GALNT1: variants seen among roughly 807,000 people sequenced by gnomAD.
GALNT1 encodes polypeptide N-acetylgalactosaminyltransferase 1.
In GALNT1, 17 loss-of-function variants were observed where a neutral mutation model predicts 65.7. The observed-to-expected ratio is 0.26, with a 90% CI of 0.18 to 0.39. The LOEUF (loss-of-function observed/expected upper bound fraction) is 0.39. Among genes scored for constraint, GALNT1 ranks in the 10% least tolerant of loss-of-function variants. The pLI is 1.00. For missense variants in GALNT1, 460 were observed against 672.8 expected (o/e 0.68, Z 3.50); for synonymous variants, 210 against 219.7 (o/e 0.96, Z 0.39).
At chr18:35,671,269 T>G (rs2047631005) in intron 3 of GALNT1, among the ~76,000 whole-genome samples, 1 of 152,090 alleles carries the variant, frequency 6.6e-6, no homozygotes. Context: ...CAGACTGGAG[T>G]GCAGTGGCAC....
intron 1 of GALNT1, among the ~76,000 whole-genome samples, chr18:35,646,725 A>G (rs2047236125): frequency 6.6e-6 from 1 of 152,170 alleles, no homozygotes; most frequent in African/African-American, 2.4e-5. Flanking sequence ...AATGATACAA[A>G]AAGTATTTTG....
At chr18:35,631,088 G>A (rs2047001063) in intron 1 of GALNT1, among the ~76,000 whole-genome samples, 1 of 152,126 alleles carries the variant, frequency 6.6e-6, no homozygotes. Context: ...AAAAAGTCCA[G>A]AACCGGCAGA....
At chr18:35,609,234 A>G (rs2046687427) in intron 1 of GALNT1, among the ~76,000 whole-genome samples, 1 of 152,098 alleles carries the variant, frequency 6.6e-6, no homozygotes, top group African/African-American at 2.4e-5. Context: ...TCTTTGATTG[A>G]TATTAGTGGT....
chr18:35,645,711 T>TC (rs987482838), intron 1 of GALNT1, among the ~76,000 whole-genome samples: 1 of 152,208 alleles, frequency 6.6e-6, no homozygotes, highest in African/African-American at 2.4e-5. Context: ...TTTGTTTTTT[T>TC]CCCCCTAATC....
At chr18:35,693,793 G>A (rs2144677162) in intron 9 of GALNT1, among the ~76,000 whole-genome samples, 1 of 152,276 alleles carries the variant, frequency 6.6e-6, no homozygotes, top group African/African-American at 2.4e-5. Flanking sequence ...AACTTAGGTT[G>A]TCAGCATATA....
chr18:35,623,075 G>T (rs1268452380), intron 1 of GALNT1, among the ~76,000 whole-genome samples: 1 of 151,974 alleles, frequency 6.6e-6, no homozygotes, highest in Non-Finnish European at 1.5e-5. Context: ...TTTTAATTGG[G>T]TATACATCTT....
chr18:35,670,011 C>T lies in GALNT1; in HGVS notation c.314+6209C>T, dbSNP rs77343156. On this transcript the variant is annotated intron_variant, in intron 3 of 11. Transcript: ENST00000269195. ...TTAGAATAAAAAAGTGTTTAGAGACCGGTCACGGTGACTCACACCTGTAAC... is the reference window on the plus strand; with the variant it reads ...TTAGAATAAAAAAGTGTTTAGAGACTGGTCACGGTGACTCACACCTGTAAC... Among the ~76,000 whole-genome samples, 7 of 152,088 alleles carry T rather than the reference C, an allele frequency of 4.6e-5. No individual in the cohort carries two copies. In the East Asian group the frequency reaches 7.7e-4, roughly 17 times the overall value.
Position 35,663,772 on chromosome 18 carries a change from A to G in GALNT1, c.284A>G (p.Asn95Ser). The stretch of plus-strand genomic sequence containing the variant: ...ATGGCAAGTGAGATGATTGCACTCA[A>G]CAGATCTTTACCAGATGTTAGGTTA... ...NLMASEMIAL[N>S]RSLPDVRLEG... Residue 95 changes from asparagine to serine, a missense_variant, in exon 3 of 12, where the codon AAC becomes AGC. Transcript: ENST00000269195. 1 of 1,613,884 alleles carries G rather than the reference A, an allele frequency of 6.2e-7. No individual in the cohort carries two copies. The highest frequency in any genetic ancestry group is 8.5e-7 in the Non-Finnish European group (1 of 1,179,896).
At chr18:35,595,702 A>AT (rs1187899744) in intron 1 of GALNT1, among the ~76,000 whole-genome samples, 2 of 148,178 alleles carry the variant, frequency 1.3e-5, no homozygotes, top group Non-Finnish European at 3.0e-5. Context: ...AATAGTGGCA[A>AT]TTTTTTTTTC....
intron 11 of GALNT1, 52 bp downstream of exon 11, chr18:35,703,695 A>G: frequency 6.4e-7 from 1 of 1,563,868 alleles, no homozygotes; most frequent in South Asian, 1.2e-5. Flanking sequence ...CACTGGGTAT[A>G]TTTATATACT....
intron 1 of GALNT1, among the ~76,000 whole-genome samples, chr18:35,606,554 C>T (rs2046649465): frequency 6.6e-6 from 1 of 152,116 alleles, no homozygotes; most frequent in Non-Finnish European, 1.5e-5. Flanking sequence ...AGAAGGAATA[C>T]CAATTTCTAG....
At chr18:35,599,483 A>G (rs538148577) in intron 1 of GALNT1, among the ~76,000 whole-genome samples, 125 of 147,714 alleles carry the variant, frequency 8.5e-4, no homozygotes, top group African/African-American at 3.0e-3. Flanking sequence ...TGATCCTCCC[A>G]CCTCAGCCTC....
intron 11 of GALNT1, among the ~76,000 whole-genome samples, chr18:35,708,444 C>T (rs549351300): frequency 1.3e-5 from 2 of 152,148 alleles, no homozygotes; most frequent in South Asian, 2.1e-4. Context: ...TAGTTGTATA[C>T]AATTATTAGA....
chr18:35,659,045 T>C (rs2047438623), intron 2 of GALNT1, among the ~76,000 whole-genome samples: 1 of 152,140 alleles, frequency 6.6e-6, no homozygotes, highest in African/African-American at 2.4e-5. Context: ...TAGGGCCTCC[T>C]GGATCTTTGT....
rs2046320992 is a variant in GALNT1, at chr18:35,581,809, G to GC, written c.-155dup. 1 of 3,188 alleles carries GC rather than the reference G, an allele frequency of 3.1e-4. No homozygotes were observed. The highest frequency in any genetic ancestry group is 7.3e-4 in the Non-Finnish European group (1 of 1,366). 0.2% of individuals were successfully genotyped at this position (3,188 alleles called of 1,614,324 possible). On this transcript the variant is annotated 5_prime_UTR_variant, in exon 1 of 12. Coordinates refer to ENST00000269195, the MANE Select transcript of GALNT1 (RefSeq NM_020474.4). Reference sequence around the variant, plus strand: ...GCTGGCCGCGGGACCGGCCGCGACCGCCGCGGCCGGCCCGGAGGACGCCTG... The same window carrying GC: ...GCTGGCCGCGGGACCGGCCGCGACCGCCCGCGGCCGGCCCGGAGGACGCCTG...
chr18:35,641,966 C>G (rs564494420), intron 1 of GALNT1, among the ~76,000 whole-genome samples: 1 of 151,996 alleles, frequency 6.6e-6, no homozygotes, highest in African/African-American at 2.4e-5. Context: ...ATTTTGGTGT[C>G]CAAAAATAAG....
chr18:35,581,736 C>T (rs1319682828), upstream of GALNT1: 17 of 26,344 alleles, frequency 6.5e-4, no homozygotes, highest in Non-Finnish European at 1.2e-3. Context: ...GGGGAGCCGC[C>T]GGCAGTGGCC....
chr18:35,596,021 G>A (rs2046500014), intron 1 of GALNT1: 1 of 152,046 alleles, frequency 6.6e-6, no homozygotes, highest in African/African-American at 2.4e-5. Context: ...ATGTGTATTT[G>A]AGAGAGAGAG....
chr18:35,636,207 C>T (rs1223561779), intron 1 of GALNT1, among the ~76,000 whole-genome samples: 1 of 152,008 alleles, frequency 6.6e-6, no homozygotes, highest in Non-Finnish European at 1.5e-5. Context: ...CTTTACAGAC[C>T]CTTTAGTAGG....
Sources: allele counts gnomAD v4.1 joint callset (sites outside exome capture counted in the v4.1 genomes callset), GRCh38; gene constraint gnomAD v4.1.1; transcripts MANE v1.5; gene names NCBI Gene and HGNC (gene_info 2026-07-23, HGNC 2026-07-21).